The following CDH4 variants were observed in gnomAD, a reference collection of about 807,000 sequenced individuals.
The protein encoded by CDH4 is cadherin 4.
A neutral mutation model predicts 86.0 loss-of-function variants in CDH4; 33 were observed. That is an observed-to-expected ratio of 0.38 (90% CI 0.29 to 0.51). The LOEUF (loss-of-function observed/expected upper bound fraction) is 0.51. CDH4 is among the 20% of genes least tolerant of loss of function. The probability of loss-of-function intolerance (pLI) is 0.86; values close to 1 mark genes in which losing one functional copy is unlikely to be tolerated. For missense variants in CDH4, 1,114 were observed against 1,307.4 expected (o/e 0.85, Z 2.28); for synonymous variants, 555 against 549.4 (o/e 1.01, Z -0.14).
intron 2 of CDH4, among the ~76,000 whole-genome samples, chr20:61,514,652 T>C (rs180915164): frequency 4.6e-4 from 70 of 152,336 alleles, no homozygotes; most frequent in Non-Finnish European, 8.4e-4. Context: ...CATCACTGGC[T>C]TGTCAAAGGG....
At chr20:61,278,109 G>C (rs1283614433) in intron 2 of CDH4, among the ~76,000 whole-genome samples, 1 of 152,186 alleles carries the variant, frequency 6.6e-6, no homozygotes, top group Non-Finnish European at 1.5e-5. Flanking sequence ...TTGGGGTCAG[G>C]GGGCCAAGGA....
intron 2 of CDH4, among the ~76,000 whole-genome samples, chr20:61,698,904 A>G (rs1015600416): frequency 2.6e-5 from 4 of 152,228 alleles, no homozygotes; most frequent in Non-Finnish European, 1.5e-5. Context: ...TTAAACCAGT[A>G]ACTGACTGAG....
chr20:61,304,216 ACGCAGTT>A (rs944651144), intron 2 of CDH4, among the ~76,000 whole-genome samples: 5 of 151,986 alleles, frequency 3.3e-5, no homozygotes, highest in African/African-American at 1.2e-4. Flanking sequence ...CATCCTCCGA[ACGCAGTT>A]CTCAGCAGTC....
chr20:61,865,816 CTT>C (rs1172692345), intron 6 of CDH4, among the ~76,000 whole-genome samples: 35 of 151,654 alleles, frequency 2.3e-4, no homozygotes, highest in Non-Finnish European at 8.8e-5. Flanking sequence ...TGATAGCTGG[CTT>C]CCTGGCTGGT....
In CDH4 at chr20:61,393,576, C is replaced by G. The variant is rs1275449779; in HGVS notation, c.169+138639C>G. Among the ~76,000 whole-genome samples, 4 of 152,172 alleles carry G rather than the reference C, an allele frequency of 2.6e-5. No individual in the cohort carries two copies. Among genetic ancestry groups the G allele is most frequent in the Non-Finnish European group, 5.9e-5 (4 of 68,024 alleles). On this transcript the variant is annotated intron_variant, in intron 2 of 15. Transcript: ENST00000614565. The surrounding 1 kb of genome is among the most constrained non-coding windows in gnomAD (Gnocchi z 4.3). The stretch of plus-strand genomic sequence containing the variant: ...ACGTAGCCCACATTCGCCACAGCCA[C>G]TTGGCTGAACCCTATTCTAGGTGTT...
rs6061891 is a variant in CDH4 at position 61,917,216 on chromosome 20, A to T, written c.1375-6235A>T. Among the ~76,000 whole-genome samples the T allele has an allele frequency of 6.1e-3, 922 of 152,156 alleles. 8 individuals carry two copies. Among genetic ancestry groups the T allele is most frequent in the African/African-American group, 0.021 (869 of 41,502 alleles). On this transcript the variant is annotated intron_variant, in intron 9 of 15. Coordinates refer to ENST00000614565, the MANE Select transcript of CDH4 (RefSeq NM_001794.5). Reference sequence around the variant, plus strand: ...TGCGCCTTGCCACCTCCCAGGCTCTACCTGAGGTGGGCACACAGCTTCTCC... The same window carrying T: ...TGCGCCTTGCCACCTCCCAGGCTCTTCCTGAGGTGGGCACACAGCTTCTCC...
intron 3 of CDH4, among the ~76,000 whole-genome samples, chr20:61,756,395 C>T (rs1568798032): frequency 1.3e-5 from 2 of 152,170 alleles, no homozygotes; most frequent in African/African-American, 4.8e-5. Context: ...CACTGTAGAG[C>T]ACGTGCAAAG....
At chr20:61,331,665 CAGG>C (rs1206530295) in intron 2 of CDH4, among the ~76,000 whole-genome samples, 2 of 150,398 alleles carry the variant, frequency 1.3e-5, no homozygotes, top group Non-Finnish European at 3.0e-5. Context: ...CCACCTGCCC[CAGG>C]CTCACCTCCT....
At chr20:61,701,113 C>T (rs556437941) in intron 2 of CDH4, among the ~76,000 whole-genome samples, 3 of 152,176 alleles carry the variant, frequency 2.0e-5, no homozygotes, top group South Asian at 2.1e-4. Context: ...CCTCTCTCCT[C>T]GGCTTGCAGG....
chr20:61,743,211 G>C (rs1447161770), intron 2 of CDH4, among the ~76,000 whole-genome samples: 1 of 152,198 alleles, frequency 6.6e-6, no homozygotes, highest in Non-Finnish European at 1.5e-5. Flanking sequence ...GGGAACTGAG[G>C]GAATATTTTT....
intron 7 of CDH4, among the ~76,000 whole-genome samples, chr20:61,875,936 CA>C (rs1984002993): frequency 9.8e-6 from 1 of 101,606 alleles, no homozygotes; most frequent in Non-Finnish European, 2.3e-5. Flanking sequence ...TGCGCTCCCC[CA>C]ACACACACAC....
intron 2 of CDH4, among the ~76,000 whole-genome samples, chr20:61,589,826 A>T (rs1041590885): frequency 2.8e-4 from 38 of 134,504 alleles, no homozygotes; most frequent in South Asian, 1.1e-3. Context: ...AATAATAATT[A>T]AAAAAAAAAA....
chr20:61,418,427 G>A (rs2085158994), intron 2 of CDH4, among the ~76,000 whole-genome samples: 1 of 152,070 alleles, frequency 6.6e-6, no homozygotes, highest in African/African-American at 2.4e-5. Flanking sequence ...TAGCCAGGAT[G>A]GTCTCGATCT....
chr20:61,912,272 A>G (rs766142161), intron 9 of CDH4, among the ~76,000 whole-genome samples: 1 of 152,220 alleles, frequency 6.6e-6, no homozygotes, highest in Non-Finnish European at 1.5e-5. Context: ...ATGGAAACAT[A>G]TCCCAAACTT....
intron 2 of CDH4, among the ~76,000 whole-genome samples, chr20:61,625,806 T>C (rs1372140748): frequency 6.6e-6 from 1 of 152,242 alleles, no homozygotes; most frequent in Non-Finnish European, 1.5e-5. Flanking sequence ...CCACATCATC[T>C]GTACTTACCA....
intron 2 of CDH4, among the ~76,000 whole-genome samples, chr20:61,387,565 C>A (rs1256728780): frequency 6.6e-6 from 1 of 152,164 alleles, no homozygotes; most frequent in African/African-American, 2.4e-5. Flanking sequence ...CACACAGACA[C>A]ATACAGAGAC....
At chr20:61,479,602 C>T (rs1035094277) in intron 2 of CDH4, among the ~76,000 whole-genome samples, 2 of 152,160 alleles carry the variant, frequency 1.3e-5, no homozygotes, top group Non-Finnish European at 2.9e-5. Context: ...CACATATATA[C>T]CATGGAATAC....
chr20:61,702,508 T>C (rs1393548549), intron 2 of CDH4, among the ~76,000 whole-genome samples: 1 of 152,208 alleles, frequency 6.6e-6, no homozygotes, highest in African/African-American at 2.4e-5. Flanking sequence ...CACTGTGTGT[T>C]GTTACGGTCC....
intron 4 of CDH4, among the ~76,000 whole-genome samples, chr20:61,843,247 G>A (rs567125546): frequency 6.6e-4 from 100 of 151,224 alleles, no homozygotes; most frequent in African/African-American, 2.3e-3. Flanking sequence ...TCAGGAGATC[G>A]AGACCATCCT....
Sources: gnomAD v4.1 joint callset for allele counts (sites outside exome capture counted in the v4.1 genomes callset) on GRCh38, gnomAD v4.1.1 for gene constraint, Gnocchi (gnomAD v3.1) non-coding constraint, MANE v1.5 for transcripts, NCBI Gene and HGNC (gene_info 2026-07-23, HGNC 2026-07-21) for gene names.